The following DRC10 variants were observed in gnomAD, a reference collection of about 807,000 sequenced individuals.
DRC10 encodes the protein IQ domain-containing protein D.
the DRC10 span, chr12:113,203,101 C>G: frequency 0.025 from 10,963 of 441,296 alleles, 242 homozygotes; most frequent in Middle Eastern, 0.033. Context: ...TCTCAGCTCC[C>G]TGCAACCTCT....
chr12:113,211,048 C>A, the DRC10 span, among the ~76,000 whole-genome samples: 1 of 152,088 alleles, frequency 6.6e-6, no homozygotes, highest in Non-Finnish European at 1.5e-5. Flanking sequence ...GAGGGGAGGA[C>A]AATGAGCTCA....
At chr12:113,217,818 C>T in the DRC10 span, among the ~76,000 whole-genome samples, 1 of 152,228 alleles carries the variant, frequency 6.6e-6, no homozygotes, top group South Asian at 2.1e-4. Flanking sequence ...AAGCGTGAGC[C>T]ACTGCCCCTG....
At chr12:113,217,674 G>A in the DRC10 span, among the ~76,000 whole-genome samples, 1 of 152,196 alleles carries the variant, frequency 6.6e-6, no homozygotes, top group African/African-American at 2.4e-5. Context: ...TGGGATTACA[G>A]GTGCGTGTTA....
At chr12:113,203,682 G>T in the DRC10 span, among the ~76,000 whole-genome samples, 1 of 151,344 alleles carries the variant, frequency 6.6e-6, no homozygotes, top group Non-Finnish European at 1.5e-5. Flanking sequence ...CACCATGTTG[G>T]TCAGGCTGGT....
chr12:113,209,902 GATC>G, the DRC10 span, among the ~76,000 whole-genome samples: 1 of 152,232 alleles, frequency 6.6e-6, no homozygotes, highest in Admixed American at 6.5e-5. Context: ...GAGGGAGGTG[GATC>G]ATCTGAGGTC....
the DRC10 span, chr12:113,200,397 C>T: frequency 2.8e-6 from 2 of 702,878 alleles, no homozygotes; most frequent in Non-Finnish European, 5.2e-6. Flanking sequence ...TCCCAGGAGA[C>T]ACTGGCTTGG....
At chr12:113,217,319 G>A in the DRC10 span, among the ~76,000 whole-genome samples, 1 of 150,758 alleles carries the variant, frequency 6.6e-6, no homozygotes, top group African/African-American at 2.4e-5. Flanking sequence ...CTAATCACAC[G>A]TGTAATTTTT....
the DRC10 span, among the ~76,000 whole-genome samples, chr12:113,216,778 C>T: frequency 1.9e-4 from 29 of 152,186 alleles, no homozygotes; most frequent in African/African-American, 5.3e-4. Flanking sequence ...TAAAATTAAA[C>T]GAAACAGGGT....
chr12:113,203,320 G>A, the DRC10 span, among the ~76,000 whole-genome samples: 15 of 150,652 alleles, frequency 1.0e-4, no homozygotes, highest in Admixed American at 5.3e-4. Flanking sequence ...CCACCACACC[G>A]CCATTTCCCT....
the DRC10 span, chr12:113,207,180 T>C: frequency 1.4e-5 from 7 of 502,726 alleles, no homozygotes; most frequent in East Asian, 2.3e-4. Flanking sequence ...AAAACCTGTC[T>C]CTACTAAAAA....
At chr12:113,219,662 CA>C in the DRC10 span, among the ~76,000 whole-genome samples, 1 of 151,776 alleles carries the variant, frequency 6.6e-6, no homozygotes, top group South Asian at 2.1e-4. Context: ...TTTTGAACCT[CA>C]AAGTTTTTTT....
At chr12:113,211,835 G>A in the DRC10 span, among the ~76,000 whole-genome samples, 1 of 152,036 alleles carries the variant, frequency 6.6e-6, no homozygotes. Flanking sequence ...GGAGGCCAAG[G>A]AGGGAAGATT....
chr12:113,200,736 G>A, the DRC10 span: 14 of 1,536,162 alleles, frequency 9.1e-6, no homozygotes, highest in Admixed American at 2.0e-5. Context: ...TAGTGCGAAC[G>A]AGGCTGTTCT....
chr12:113,195,513 C>G, the DRC10 span: 1 of 1,503,102 alleles, frequency 6.7e-7, no homozygotes, highest in Non-Finnish European at 8.9e-7. Flanking sequence ...TGCTCTCCAT[C>G]TCGGGCCTTC....
chr12:113,197,256 T>C, the DRC10 span, among the ~76,000 whole-genome samples: 1 of 150,308 alleles, frequency 6.7e-6, no homozygotes, highest in East Asian at 2.0e-4. Flanking sequence ...AGGCCGGTCT[T>C]GAATTACTGA....
chr12:113,207,744 G>C, the DRC10 span: 3 of 1,614,196 alleles, frequency 1.9e-6, no homozygotes, highest in South Asian at 3.3e-5. Context: ...TAAGTGGTGA[G>C]AGGCTGGATT....
the DRC10 span, among the ~76,000 whole-genome samples, chr12:113,215,364 C>T: frequency 4.6e-5 from 7 of 152,254 alleles, no homozygotes; most frequent in South Asian, 4.2e-4. Flanking sequence ...AAAAGTGTTA[C>T]GCTTTTATGA....
At chr12:113,209,549 G>C in the DRC10 span, among the ~76,000 whole-genome samples, 1 of 152,138 alleles carries the variant, frequency 6.6e-6, no homozygotes, top group Non-Finnish European at 1.5e-5. Context: ...TCGATGCCTA[G>C]CTAATTTTTT....
the DRC10 span, among the ~76,000 whole-genome samples, chr12:113,219,989 G>C: frequency 6.6e-6 from 1 of 152,194 alleles, no homozygotes; most frequent in African/African-American, 2.4e-5. Context: ...TGTATTTTTA[G>C]TAGAGACAGG....
Sources: allele counts gnomAD v4.1 joint callset (sites outside exome capture counted in the v4.1 genomes callset), GRCh38; gene constraint gnomAD v4.1.1; transcripts MANE v1.5; gene names NCBI Gene and HGNC (gene_info 2026-07-23, HGNC 2026-07-21).